HRH1: variants seen among roughly 807,000 people sequenced by gnomAD.
HRH1 encodes histamine receptor H1, also known as histamine H1 receptor.
Under a neutral mutation model 10.3 loss-of-function variants are expected in HRH1, and 6 were observed. The ratio of observed to expected loss-of-function variants is 0.58; its 90% CI spans 0.32 to 1.15. The LOEUF is 1.15. HRH1 is among the 50% of genes most tolerant of loss of function. The pLI is 0.05. For synonymous variants in HRH1, 242 were observed against 236.7 expected, an observed-to-expected ratio of 1.02 and a Z score of -0.21; for missense variants, 514 against 615.3, an observed-to-expected ratio of 0.84 and a Z score of 1.74.
intron 1 of HRH1, among the ~76,000 whole-genome samples, chr3:11,250,351 G>A (rs951039015): frequency 2.7e-4 from 41 of 151,708 alleles, no homozygotes; most frequent in African/African-American, 7.8e-4. Context: ...GAGCCACCGC[G>A]CCCGGCCGCT....
chr3:11,227,918 C>T (rs1317440968), intron 1 of HRH1, among the ~76,000 whole-genome samples: 1 of 152,222 alleles, frequency 6.6e-6, no homozygotes, highest in Non-Finnish European at 1.5e-5. Context: ...AGGCCCCAGC[C>T]ATCCCTAAGG....
chr3:11,243,840 T>G (rs1010213384), intron 1 of HRH1, among the ~76,000 whole-genome samples: 3 of 152,252 alleles, frequency 2.0e-5, no homozygotes, highest in African/African-American at 7.2e-5. Context: ...TCCAGCTACC[T>G]GCCTTGATCT....
intron 1 of HRH1, among the ~76,000 whole-genome samples, chr3:11,197,163 C>T (rs936502712): frequency 1.3e-5 from 2 of 151,396 alleles, no homozygotes; most frequent in Admixed American, 6.6e-5. Context: ...GCTGGCCCAG[C>T]CATATTCAAC....
chr3:11,241,846 A>C (rs979320163), intron 1 of HRH1, among the ~76,000 whole-genome samples: 2 of 151,368 alleles, frequency 1.3e-5, no homozygotes, highest in Admixed American at 1.3e-4. Context: ...AAAAAAAAAA[A>C]AAAATGCACC....
At chr3:11,217,278 C>T (rs1281189097) in intron 1 of HRH1, among the ~76,000 whole-genome samples, 1 of 151,786 alleles carries the variant, frequency 6.6e-6, no homozygotes, top group African/African-American at 2.4e-5. Flanking sequence ...ACCTGTAATC[C>T]CAGCCCTTTG....
At chr3:11,218,012 A>G (rs1340162561) in intron 1 of HRH1, among the ~76,000 whole-genome samples, 3 of 152,186 alleles carry the variant, frequency 2.0e-5, no homozygotes, top group African/African-American at 7.2e-5. Context: ...GCAACAGTCA[A>G]ACTTCCAGAT....
intron 1 of HRH1, among the ~76,000 whole-genome samples, chr3:11,196,953 CAA>C (rs35134148): frequency 0.24 from 26,397 of 110,474 alleles, 2,825 homozygotes; most frequent in Middle Eastern, 0.29. Flanking sequence ...ACTAAAAATA[CAA>C]AAAAAAAAAA....
chr3:11,245,948 CTCAT>C (rs1371743207), intron 1 of HRH1, among the ~76,000 whole-genome samples: 2 of 151,876 alleles, frequency 1.3e-5, no homozygotes, highest in African/African-American at 4.8e-5. Flanking sequence ...CTCACACTCA[CTCAT>C]ACATACTCAT....
At chr3:11,144,753 G>A (rs908619846) in intron 1 of HRH1, among the ~76,000 whole-genome samples, 3 of 151,848 alleles carry the variant, frequency 2.0e-5, no homozygotes, top group African/African-American at 4.8e-5. Context: ...GGCCAACCAC[G>A]ACAACACTTA....
At chr3:11,256,755 C>T (rs540187007) in intron 1 of HRH1, among the ~76,000 whole-genome samples, 23 of 151,986 alleles carry the variant, frequency 1.5e-4, no homozygotes, top group Non-Finnish European at 2.6e-4. Flanking sequence ...ACCGAGATCG[C>T]GCCATTGCAC....
At chr3:11,155,180 G>C (rs7609602) in intron 1 of HRH1, among the ~76,000 whole-genome samples, 1 of 151,962 alleles carries the variant, frequency 6.6e-6, no homozygotes, top group South Asian at 2.1e-4. Context: ...GGAACTGTCC[G>C]GACCACCACC....
chr3:11,190,222 ACT>A (rs1346587565), intron 1 of HRH1, among the ~76,000 whole-genome samples: 3 of 151,600 alleles, frequency 2.0e-5, no homozygotes, highest in African/African-American at 7.3e-5. Context: ...CCTAAAGAAC[ACT>A]GACTAGTCCG....
intron 1 of HRH1, among the ~76,000 whole-genome samples, chr3:11,222,993 T>C (rs1282865108): frequency 6.6e-6 from 1 of 151,882 alleles, no homozygotes; most frequent in Non-Finnish European, 1.5e-5. Flanking sequence ...AAGACTATCC[T>C]GGCCAACATG....
intron 1 of HRH1, among the ~76,000 whole-genome samples, chr3:11,241,605 G>A (rs568578451): frequency 1.0e-4 from 15 of 150,260 alleles, no homozygotes; most frequent in East Asian, 5.8e-4. Flanking sequence ...AGGCCGAGGC[G>A]GGTGGATCAC....
chr3:11,194,198 T>G (rs1937599736), intron 1 of HRH1, among the ~76,000 whole-genome samples: 1 of 152,174 alleles, frequency 6.6e-6, no homozygotes, highest in Non-Finnish European at 1.5e-5. Flanking sequence ...AGAGGATACT[T>G]TCTTATTAAG....
chr3:11,206,971 G>A (rs191622258), intron 1 of HRH1, among the ~76,000 whole-genome samples: 4 of 152,240 alleles, frequency 2.6e-5, no homozygotes. Flanking sequence ...TTATCGGGGT[G>A]GAGTCAAGGA....
At chr3:11,197,755 A>C (rs1362340310) in intron 1 of HRH1, among the ~76,000 whole-genome samples, 6 of 152,176 alleles carry the variant, frequency 3.9e-5, no homozygotes, top group Non-Finnish European at 7.3e-5. Flanking sequence ...CAGGACATAC[A>C]TCCATAAAAC....
chr3:11,163,952 C>T (rs1384158291), intron 1 of HRH1, among the ~76,000 whole-genome samples: 2 of 152,202 alleles, frequency 1.3e-5, no homozygotes, highest in African/African-American at 4.8e-5. Context: ...TCGGTCCCCC[C>T]ATGGCTGTGA....
chr3:11,229,936 G>C (rs1938996335), intron 1 of HRH1, among the ~76,000 whole-genome samples: 1 of 152,200 alleles, frequency 6.6e-6, no homozygotes, highest in African/African-American at 2.4e-5. Context: ...GGAGAAAAAT[G>C]TGGATTTAGA....
Sources: gnomAD v4.1 joint callset for allele counts (sites outside exome capture counted in the v4.1 genomes callset) on GRCh38, gnomAD v4.1.1 for gene constraint, MANE v1.5 for transcripts, NCBI Gene and HGNC (gene_info 2026-07-23, HGNC 2026-07-21) for gene names.